CHKA: variants seen among roughly 807,000 people sequenced by gnomAD.
The protein encoded by CHKA is CHETK-alpha.
Under a neutral mutation model 60.1 loss-of-function variants are expected in CHKA, and 34 were observed. That is an observed-to-expected ratio of 0.57 (90% CI 0.43 to 0.75). CHKA has a LOEUF of 0.75. Ranked by LOEUF, CHKA falls within the 30% of genes least tolerant of loss-of-function variation. The pLI is 0.00. For synonymous variants in CHKA, 217 were observed against 223.1 expected (o/e 0.97, Z 0.24); for missense variants, 563 against 561.3 (o/e 1.00, Z -0.03).
intron 7 of CHKA, among the ~76,000 whole-genome samples, chr11:68,067,964 G>T (rs1415400044): frequency 1.3e-5 from 2 of 152,240 alleles, no homozygotes; most frequent in African/African-American, 4.8e-5. Flanking sequence ...CTGAACTACT[G>T]TGACTAGGGG....
chr11:68,079,431 G>A (rs1856903028), intron 3 of CHKA, among the ~76,000 whole-genome samples: 1 of 151,950 alleles, frequency 6.6e-6, no homozygotes, highest in Non-Finnish European at 1.5e-5. Flanking sequence ...CTAGGTTCAC[G>A]CCATTCTCCT....
intron 11 of CHKA, among the ~76,000 whole-genome samples, chr11:68,058,862 C>A (rs1040660927): frequency 6.6e-6 from 1 of 152,148 alleles, no homozygotes; most frequent in African/African-American, 2.4e-5. Flanking sequence ...GGGACATTTT[C>A]CCTGTTACCA....
At chr11:68,074,593 G>T in intron 4 of CHKA, 124 bp downstream of exon 4, 1 of 801,804 alleles carries the variant, frequency 1.2e-6, no homozygotes, top group Non-Finnish European at 2.2e-6. Flanking sequence ...TTCTGATACA[G>T]TTTAATGACA....
At chr11:68,067,122 A>T (rs1481944918) in intron 7 of CHKA, among the ~76,000 whole-genome samples, 1 of 152,202 alleles carries the variant, frequency 6.6e-6, no homozygotes, top group African/African-American at 2.4e-5. Context: ...CTGGCTCTGC[A>T]GGCCTGCGTT....
At chr11:68,119,936 A>C (rs1333986052) in intron 1 of CHKA, among the ~76,000 whole-genome samples, 1 of 152,202 alleles carries the variant, frequency 6.6e-6, no homozygotes, top group African/African-American at 2.4e-5. Flanking sequence ...AGTTTAAAAA[A>C]AGGAAAAAAT....
At chr11:68,061,580 AC>A in intron 11 of CHKA, 1 of 365,564 alleles carries the variant, frequency 2.7e-6, no homozygotes, top group Non-Finnish European at 5.5e-6. Flanking sequence ...GGCAGGAGCC[AC>A]CCACTCTTCT....
At chr11:68,054,951 G>A (rs879349471) in intron 11 of CHKA, among the ~76,000 whole-genome samples, 6 of 152,190 alleles carry the variant, frequency 3.9e-5, no homozygotes, top group Non-Finnish European at 8.8e-5. Flanking sequence ...CTCACTCAGC[G>A]TGCTGTCTCT....
At chr11:68,060,556 C>T (rs1856197551) in intron 11 of CHKA, among the ~76,000 whole-genome samples, 2 of 152,190 alleles carry the variant, frequency 1.3e-5, no homozygotes, top group Admixed American at 1.3e-4. Flanking sequence ...AGTGATCCAA[C>T]CACCTCGGCC....
chr11:68,108,974 T>A (rs528102055), intron 1 of CHKA, among the ~76,000 whole-genome samples: 1 of 151,878 alleles, frequency 6.6e-6, no homozygotes, highest in Admixed American at 6.6e-5. Flanking sequence ...TTTGACGAGT[T>A]TTACCTCCAG....
intron 1 of CHKA, among the ~76,000 whole-genome samples, chr11:68,118,747 G>C (rs1858490747): frequency 6.6e-6 from 1 of 152,146 alleles, no homozygotes; most frequent in Non-Finnish European, 1.5e-5. Flanking sequence ...CAATCCAAAA[G>C]GAAAGCTGTG....
chr11:68,063,517 T>A (rs1224877856), intron 10 of CHKA, among the ~76,000 whole-genome samples: 1 of 151,268 alleles, frequency 6.6e-6, no homozygotes, highest in African/African-American at 2.4e-5. Flanking sequence ...TTCTATAGGC[T>A]CTGGGTGGCA....
chr11:68,102,340 T>C (rs180793321), intron 1 of CHKA, among the ~76,000 whole-genome samples: 2 of 152,228 alleles, frequency 1.3e-5, no homozygotes, highest in South Asian at 2.1e-4. Flanking sequence ...CAAAACAGCA[T>C]GGTGTTGGCA....
intron 2 of CHKA, among the ~76,000 whole-genome samples, chr11:68,095,708 CA>C (rs55959031): frequency 1.1e-3 from 15 of 13,134 alleles, no homozygotes; most frequent in African/African-American, 2.0e-3. Flanking sequence ...GACTCCGTCG[CA>C]AAAAAAAAAA....
chr11:68,116,310 C>T (rs1173420280), intron 1 of CHKA, among the ~76,000 whole-genome samples: 1 of 152,136 alleles, frequency 6.6e-6, no homozygotes, highest in Non-Finnish European at 1.5e-5. Flanking sequence ...TGGTGGTTTA[C>T]GCCTGTAATC....
chr11:68,070,620 C>T (rs1181519586), intron 5 of CHKA, 104 bp downstream of exon 5: 3 of 1,262,754 alleles, frequency 2.4e-6, no homozygotes, highest in African/African-American at 1.5e-5. Flanking sequence ...CTTCAGTGAA[C>T]TAGGAAGACC....
At chr11:68,067,077 T>C (rs1856467767) in intron 7 of CHKA, among the ~76,000 whole-genome samples, 2 of 152,192 alleles carry the variant, frequency 1.3e-5, no homozygotes, top group African/African-American at 4.8e-5. Context: ...TGCTTTAGTA[T>C]TGGATTCTGG....
intron 1 of CHKA, among the ~76,000 whole-genome samples, chr11:68,098,126 C>T (rs1041137046): frequency 4.6e-5 from 7 of 151,856 alleles, no homozygotes; most frequent in African/African-American, 1.7e-4. Flanking sequence ...ATAAATTAGC[C>T]GGGTGTGGTG....
At chr11:68,102,963 G>C (rs1857780090) in intron 1 of CHKA, among the ~76,000 whole-genome samples, 1 of 151,994 alleles carries the variant, frequency 6.6e-6, no homozygotes. Flanking sequence ...GACAGAGCAA[G>C]ACCCTGTTTA....
chr11:68,070,933 A>C, intron 4 of CHKA, 76 bp from the exon 5 acceptor site: 1 of 1,459,348 alleles, frequency 6.9e-7, no homozygotes, highest in Non-Finnish European at 9.5e-7. Flanking sequence ...AGTCTTAGGA[A>C]CGAGAAGTGT....
Sources: allele counts gnomAD v4.1 joint callset (sites outside exome capture counted in the v4.1 genomes callset), GRCh38; gene constraint gnomAD v4.1.1; transcripts MANE v1.5; gene names NCBI Gene and HGNC (gene_info 2026-07-23, HGNC 2026-07-21).